Variants in CSPP1 observed in about 807,000 individuals in gnomAD.
CSPP1 encodes the protein centrosome and spindle pole associated protein 1, also known as centrosome and spindle pole-associated protein 1.
In CSPP1, 126 loss-of-function variants were observed where a neutral mutation model predicts 164.4. The observed-to-expected ratio is 0.77, with a 90% CI of 0.66 to 0.89. CSPP1 has a LOEUF of 0.89. Ranked by LOEUF, CSPP1 falls within the 40% of genes least tolerant of loss-of-function variation. CSPP1 has a pLI of 0.00. For synonymous variants in CSPP1, 472 were observed against 476.7 expected (o/e 0.99, Z 0.13); for missense variants, 1,395 against 1,449.8 (o/e 0.96, Z 0.61).
rs150149245 is a variant in CSPP1, at chr8:67,188,830, C to G, written c.3221-1820C>G. 5.7e-3 allele frequency among the ~76,000 whole-genome samples: 874 copies of G among 152,282 alleles called. 9 individuals carry two copies. Among genetic ancestry groups the G allele is most frequent in the African/African-American group, 0.02 (835 of 41,544 alleles). Reference sequence around the variant, plus strand: ...GCTAAGTGCCCGGGTTTGTCCTAATCGAGCTGAACACTAGTCACTGGGTTC... The same window carrying G: ...GCTAAGTGCCCGGGTTTGTCCTAATGGAGCTGAACACTAGTCACTGGGTTC... On this transcript the variant is annotated intron_variant, in intron 28 of 30. Coordinates refer to ENST00000678616, the MANE Select transcript of CSPP1 (RefSeq NM_001382391.1).
chr8:67,183,636 A>AC (rs1833594534), intron 28 of CSPP1, among the ~76,000 whole-genome samples: 1 of 152,194 alleles, frequency 6.6e-6, no homozygotes, highest in Non-Finnish European at 1.5e-5. Context: ...AATTTGTAGG[A>AC]GGTAGCAGAA....
At chr8:67,118,406 TG>T (rs1321387360) in intron 14 of CSPP1, 37 bp downstream of exon 14, 2 of 1,607,656 alleles carry the variant, frequency 1.2e-6, no homozygotes, top group Admixed American at 1.7e-5. Context: ...TCTCCCCGCT[TG>T]GCTCAATAAG....
chr8:67,150,507 C>T (rs1213499886), intron 18 of CSPP1, among the ~76,000 whole-genome samples: 5 of 151,956 alleles, frequency 3.3e-5, no homozygotes, highest in African/African-American at 1.2e-4. Flanking sequence ...TGGGTTCAAG[C>T]AGTTCTCTAC....
chr8:67,068,942 A>G (rs1201656481), intron 1 of CSPP1, among the ~76,000 whole-genome samples: 1 of 152,202 alleles, frequency 6.6e-6, no homozygotes, highest in African/African-American at 2.4e-5. Context: ...CAGTTACAGC[A>G]TTAGCCTCCC....
intron 9 of CSPP1, among the ~76,000 whole-genome samples, chr8:67,109,164 A>G (rs928919035): frequency 4.6e-5 from 7 of 152,176 alleles, no homozygotes; most frequent in African/African-American, 1.7e-4. Context: ...CGGAGGCTTG[A>G]GTGGGGCAGA....
intron 4 of CSPP1, among the ~76,000 whole-genome samples, chr8:67,089,197 A>G (rs1043446603): frequency 6.6e-6 from 1 of 152,066 alleles, no homozygotes; most frequent in African/African-American, 2.4e-5. Flanking sequence ...AACAACTACC[A>G]TCTTTTTTCG....
chr8:67,110,864 G>A (rs1330614103), intron 9 of CSPP1, among the ~76,000 whole-genome samples: 1 of 152,048 alleles, frequency 6.6e-6, no homozygotes, highest in Non-Finnish European at 1.5e-5. Flanking sequence ...TGTTGTTGTT[G>A]TTGTTGTTGT....
intron 17 of CSPP1, among the ~76,000 whole-genome samples, chr8:67,138,441 A>G (rs1822805605): frequency 6.6e-6 from 1 of 152,242 alleles, no homozygotes; most frequent in Non-Finnish European, 1.5e-5. Context: ...CAAGAAAAAA[A>G]GACTTTTCAC....
At chr8:67,126,630 C>T (rs1387673960) in intron 15 of CSPP1, among the ~76,000 whole-genome samples, 4 of 152,176 alleles carry the variant, frequency 2.6e-5, no homozygotes, top group Admixed American at 2.0e-4. Context: ...CACAGGGTCT[C>T]AATGCCAGCC....
At chr8:67,083,548 A>AAAAAAAAAAAAAAAAT (rs1332248754) in intron 3 of CSPP1, 14 of 91,478 alleles carry the variant, frequency 1.5e-4, no homozygotes, top group Admixed American at 4.3e-4. Flanking sequence ...AAAAAAAAAA[A>AAAAAAAAAAAAAAAAT]ATATATATAT....
In CSPP1 at chr8:67,171,551, TTTG is replaced by T. The variant is rs201805678; in HGVS notation, c.2829-852_2829-850del. Among the ~76,000 whole-genome samples, 645 of 151,988 alleles carry T rather than the reference TTTG, an allele frequency of 4.2e-3. 4 individuals carry two copies. The highest frequency in any genetic ancestry group is 0.014 in the African/African-American group (592 of 41,492). Reference sequence around the variant, plus strand: ...GCACACACTATCATGCTTGACTAATTTTGTTGTTGTTGTTGAGATGGAATCTTG... The same window carrying T: ...GCACACACTATCATGCTTGACTAATTTTGTTGTTGTTGAGATGGAATCTTG... On this transcript the variant is annotated intron_variant, in intron 24 of 30. Coordinates refer to ENST00000678616, the MANE Select transcript of CSPP1 (RefSeq NM_001382391.1).
chr8:67,168,913 T>C (rs1829991082), intron 24 of CSPP1, among the ~76,000 whole-genome samples: 1 of 152,204 alleles, frequency 6.6e-6, no homozygotes. Flanking sequence ...TTTTAGTATT[T>C]TGCATTATAG....
chr8:67,078,402 C>T (rs2129542033), intron 3 of CSPP1, among the ~76,000 whole-genome samples: 1 of 152,026 alleles, frequency 6.6e-6, no homozygotes, highest in East Asian at 1.9e-4. Context: ...AGTGCAGTGG[C>T]ATAATCTTGG....
chr8:67,091,763 G>A, intron 4 of CSPP1, 40 bp from the exon 5 acceptor site: 1 of 652,148 alleles, frequency 1.5e-6, no homozygotes, highest in Non-Finnish European at 2.4e-6. Context: ...TTTTATAAAG[G>A]CAATTAGGTA....
At chr8:67,138,208 C>T (rs1284064272) in intron 17 of CSPP1, among the ~76,000 whole-genome samples, 1 of 152,078 alleles carries the variant, frequency 6.6e-6, no homozygotes, top group Non-Finnish European at 1.5e-5. Flanking sequence ...TTGTTATATA[C>T]AGTTGTCTGT....
intron 1 of CSPP1, among the ~76,000 whole-genome samples, 194 bp from the exon 2 acceptor site, chr8:67,074,049 T>C: frequency 6.6e-6 from 1 of 152,270 alleles, no homozygotes; most frequent in East Asian, 1.9e-4. Context: ...ATTTCAGATA[T>C]TTTAAAGTAT....
At chr8:67,152,915 A>C (rs1825966816) in intron 18 of CSPP1, among the ~76,000 whole-genome samples, 1 of 152,150 alleles carries the variant, frequency 6.6e-6, no homozygotes, top group African/African-American at 2.4e-5. Flanking sequence ...TACATGCTTT[A>C]GGCTGGGCAC....
At chr8:67,162,273 G>T (rs1434668095) in intron 22 of CSPP1, among the ~76,000 whole-genome samples, 1 of 152,212 alleles carries the variant, frequency 6.6e-6, no homozygotes, top group Non-Finnish European at 1.5e-5. Context: ...GAAGAGGAGG[G>T]TGAGGGATTA....
At chr8:67,163,636 T>C in intron 22 of CSPP1, 96 bp from the exon 23 acceptor site, 1 of 856,424 alleles carries the variant, frequency 1.2e-6, no homozygotes, top group Non-Finnish European at 1.8e-6. Context: ...TGGAGTTTGG[T>C]TTCCTTTACA....
Sources: allele counts gnomAD v4.1 joint callset (sites outside exome capture counted in the v4.1 genomes callset), GRCh38; gene constraint gnomAD v4.1.1; transcripts MANE v1.5; gene names NCBI Gene and HGNC (gene_info 2026-07-23, HGNC 2026-07-21).